The following GPHN variants were observed in gnomAD, a reference collection of about 807,000 sequenced individuals.
GPHN encodes gephyrin.
GPHN carries 17 observed loss-of-function variants against 95.5 expected under a neutral mutation model. That is an observed-to-expected ratio of 0.18 (90% confidence interval 0.12 to 0.27). GPHN has a LOEUF of 0.27. GPHN is among the 10% of genes least tolerant of loss of function. The pLI, the probability that GPHN is intolerant of heterozygous loss-of-function variation, is 1.00. For missense variants in GPHN, 660 were observed against 978.1 expected (o/e 0.67, Z 4.34); for synonymous variants, 320 against 322.5 (o/e 0.99, Z 0.08).
At chr14:66,832,538 C>A (rs2061619628) in intron 4 of GPHN, among the ~76,000 whole-genome samples, 1 of 152,008 alleles carries the variant, frequency 6.6e-6, no homozygotes, top group East Asian at 1.9e-4. Context: ...TAATAGCCCA[C>A]TTTATATCTG....
At chr14:67,416,680 T>C in the GPHN span, among the ~76,000 whole-genome samples, 1 of 152,246 alleles carries the variant, frequency 6.6e-6, no homozygotes, top group Non-Finnish European at 1.5e-5. Context: ...AGAATGTCCG[T>C]GTACAAAGCA....
At chr14:67,037,130 C>G (rs570674149) in intron 10 of GPHN, among the ~76,000 whole-genome samples, 10 of 152,064 alleles carry the variant, frequency 6.6e-5, no homozygotes, top group African/African-American at 2.4e-4. Context: ...AATACATGTT[C>G]GTGTATATGG....
rs1359771792 is a variant in GPHN at position 67,038,924 on chromosome 14, T to A, written c.1006+15249T>A. 2.0e-5 allele frequency among the ~76,000 whole-genome samples: 3 copies of A among 152,198 alleles called. No individual in the cohort carries two copies. In the East Asian group the frequency reaches 5.8e-4, roughly 29 times the overall value. ...TCTGCTGCAGCTCTTCTAAATATCCTTTTTCCCATTCTTGTTGTAATAGTT... is the reference window on the plus strand; with the variant it reads ...TCTGCTGCAGCTCTTCTAAATATCCATTTTCCCATTCTTGTTGTAATAGTT... On this transcript the variant is annotated intron_variant, in intron 10 of 22. Transcript: ENST00000478722.
chr14:66,669,065 G>A (rs147597251), intron 1 of GPHN, among the ~76,000 whole-genome samples: 21 of 151,914 alleles, frequency 1.4e-4, no homozygotes, highest in African/African-American at 5.1e-4. Flanking sequence ...CTTTCCTGCT[G>A]TTTTTAAGGT....
the GPHN span, among the ~76,000 whole-genome samples, chr14:67,625,339 CTT>C: frequency 2.0e-5 from 3 of 152,076 alleles, no homozygotes; most frequent in Non-Finnish European, 4.4e-5. Flanking sequence ...AAAAATTAAA[CTT>C]GACTTAGCTA....
chr14:67,056,341 A>G (rs151179297), intron 10 of GPHN, among the ~76,000 whole-genome samples: 484 of 151,790 alleles, frequency 3.2e-3, no homozygotes, highest in African/African-American at 0.011. Context: ...GACACAGAGC[A>G]CTGATTGGTG....
At chr14:67,003,606 A>G (rs1183813833) in intron 9 of GPHN, among the ~76,000 whole-genome samples, 3 of 151,688 alleles carry the variant, frequency 2.0e-5, no homozygotes, top group Non-Finnish European at 4.4e-5. Context: ...AGAAATTGGG[A>G]CAAGGACTTC....
intron 1 of GPHN, among the ~76,000 whole-genome samples, chr14:66,646,692 A>G (rs1238781221): frequency 6.6e-6 from 1 of 152,080 alleles, no homozygotes; most frequent in Non-Finnish European, 1.5e-5. Flanking sequence ...ATTCATAAAA[A>G]CAGAATGTAG....
chr14:66,973,659 T>A (rs1028369630), intron 9 of GPHN, among the ~76,000 whole-genome samples: 2 of 152,246 alleles, frequency 1.3e-5, no homozygotes, highest in East Asian at 3.9e-4. Flanking sequence ...CTCGGGAGGC[T>A]GAGGCAGGAG....
chr14:66,624,341 T>A (rs948906174), intron 1 of GPHN, among the ~76,000 whole-genome samples: 12 of 152,222 alleles, frequency 7.9e-5, no homozygotes, highest in Non-Finnish European at 1.3e-4. Context: ...TGTTTTAGTA[T>A]AGGATCTGTA....
chr14:67,179,438 A>T, intron 21 of GPHN, 140 bp from the exon 22 acceptor site: 1 of 662,770 alleles, frequency 1.5e-6, no homozygotes, highest in Non-Finnish European at 2.7e-6. Context: ...AAAAGAACAT[A>T]AGGTGGTAGT....
intron 20 of GPHN, among the ~76,000 whole-genome samples, chr14:67,168,197 T>C (rs1045531341): frequency 6.6e-6 from 1 of 152,236 alleles, no homozygotes; most frequent in African/African-American, 2.4e-5. Context: ...CAGCAACCTT[T>C]TCACTGTGTC....
At chr14:66,857,372 T>C (rs2062845564) in intron 4 of GPHN, among the ~76,000 whole-genome samples, 1 of 152,030 alleles carries the variant, frequency 6.6e-6, no homozygotes, top group Non-Finnish European at 1.5e-5. Context: ...ATAAAAGAAA[T>C]ATGTTTCTGA....
At chr14:66,840,577 A>T (rs983437503) in intron 4 of GPHN, among the ~76,000 whole-genome samples, 1 of 151,624 alleles carries the variant, frequency 6.6e-6, no homozygotes, top group Admixed American at 6.6e-5. Context: ...GCCACAGATG[A>T]TGTAAATGAA....
chr14:67,437,168 G>A, the GPHN span, among the ~76,000 whole-genome samples: 1 of 152,196 alleles, frequency 6.6e-6, no homozygotes, highest in Non-Finnish European at 1.5e-5. Flanking sequence ...TACTTCTTGA[G>A]TGCCTACCTA....
Position 66,922,879 on chromosome 14 carries a change from G to A in GPHN, c.670G>A (p.Val224Ile), listed in dbSNP as rs753207665. The stretch of plus-strand genomic sequence containing the variant: ...GGAAGAAGAGAAGAAAGACAGTGGT[G>A]TTGCTTCAACAGAAGATAGTTCCTC... ...EEEEEKKDSG[V>I]ASTEDSSSSH... The change falls in exon 7 of 23, where the codon GTT becomes ATT. Residue 224 changes from valine (V) to isoleucine (I), a missense_variant. Coordinates refer to ENST00000478722, the MANE Select transcript of GPHN (RefSeq NM_020806.5). 1.1e-5 allele frequency: 18 copies of A among 1,613,266 alleles called. No homozygotes were observed. Among genetic ancestry groups the A allele is most frequent in the Non-Finnish European group, 1.4e-5 (17 of 1,179,436 alleles).
chr14:66,931,213 G>T (rs956605339), intron 8 of GPHN, among the ~76,000 whole-genome samples: 28 of 152,038 alleles, frequency 1.8e-4, no homozygotes, highest in Non-Finnish European at 4.4e-5. Context: ...GAAATCTGCT[G>T]CCAGACATAT....
chr14:66,860,495 T>C (rs2062982291), intron 4 of GPHN, among the ~76,000 whole-genome samples: 1 of 151,966 alleles, frequency 6.6e-6, no homozygotes, highest in African/African-American at 2.4e-5. Context: ...TAAAGGGAGT[T>C]CTTCAGTCTT....
At chr14:66,680,317 G>A (rs999916293) in intron 1 of GPHN, among the ~76,000 whole-genome samples, 1 of 152,158 alleles carries the variant, frequency 6.6e-6, no homozygotes, top group African/African-American at 2.4e-5. Context: ...TATCTTGTGG[G>A]AAGACCTATT....
Sources: allele counts gnomAD v4.1 joint callset (sites outside exome capture counted in the v4.1 genomes callset), GRCh38; gene constraint gnomAD v4.1.1; transcripts MANE v1.5; gene names NCBI Gene and HGNC (gene_info 2026-07-23, HGNC 2026-07-21).